PIBF1: variants seen among roughly 807,000 people sequenced by gnomAD.
The protein encoded by PIBF1 is progesterone-induced-blocking factor 1.
A neutral mutation model predicts 112.5 loss-of-function variants in PIBF1; 90 were observed. The observed-to-expected ratio is 0.80, with a 90% CI of 0.67 to 0.95. The LOEUF is 0.95. Ranked by LOEUF, PIBF1 falls within the 40% of genes least tolerant of loss-of-function variation. The probability of loss-of-function intolerance (pLI) is 0.00; values close to 1 mark genes in which losing one functional copy is unlikely to be tolerated. For missense variants in PIBF1, 915 were observed against 852.3 expected (o/e 1.07, Z -0.92); for synonymous variants, 301 against 288.6 (o/e 1.04, Z -0.44).
intron 14 of PIBF1, among the ~76,000 whole-genome samples, chr13:72,942,500 A>G (rs1217392133): frequency 6.6e-6 from 1 of 152,126 alleles, no homozygotes; most frequent in Non-Finnish European, 1.5e-5. Context: ...TACTTAAATG[A>G]CAATTGTACT....
At chr13:72,810,229 A>T (rs1486415580) in intron 5 of PIBF1, among the ~76,000 whole-genome samples, 1 of 152,178 alleles carries the variant, frequency 6.6e-6, no homozygotes, top group African/African-American at 2.4e-5. Flanking sequence ...GGTTGATCAC[A>T]TGCAACTCAG....
chr13:72,962,596 C>CAAA (rs56918554), intron 14 of PIBF1, among the ~76,000 whole-genome samples: 2 of 132,964 alleles, frequency 1.5e-5, no homozygotes, highest in African/African-American at 2.7e-5. Flanking sequence ...GTCCCTGTCT[C>CAAA]AAAAAAAAAA....
intron 7 of PIBF1, 120 bp downstream of exon 7, chr13:72,827,238 ATTTTTTTTTTTTTTT>A (rs35211035): frequency 7.2e-6 from 1 of 138,890 alleles, no homozygotes; most frequent in Non-Finnish European, 1.3e-5. Flanking sequence ...AAAAAGATAA[ATTTTTTTTTTTTTTT>A]TTTTTTTTTT....
In PIBF1 at chr13:72,827,851, A is replaced by G; in HGVS notation, c.1034A>G (p.Gln345Arg). Residue 345 changes from glutamine to arginine, a missense_variant, in exon 8 of 18, where the codon CAA becomes CGA. By Grantham distance (43) the Gln-to-Arg change is conservative (BLOSUM62 1). Coordinates refer to ENST00000326291, the MANE Select transcript of PIBF1 (RefSeq NM_006346.4). Reference protein sequence around the residue: ...AHEEDRLERLQAQLEESKKAR... With the variant: ...AHEEDRLERLRAQLEESKKAR... ...GAAGAGGATCGCCTTGAAAGACTTCAAGCTCAACTGGAAGAAAGCAAAAAG... is the reference window on the plus strand; with the variant it reads ...GAAGAGGATCGCCTTGAAAGACTTCGAGCTCAACTGGAAGAAAGCAAAAAG... 6.3e-7 allele frequency: 1 copy of G among 1,595,134 alleles called. No homozygotes were observed. The highest frequency in any genetic ancestry group is 8.5e-7 in the Non-Finnish European group (1 of 1,170,568).
At chr13:72,973,828 T>A (rs957889882) in intron 16 of PIBF1, 153 bp downstream of exon 16, 3 of 550,172 alleles carry the variant, frequency 5.5e-6, no homozygotes, top group Non-Finnish European at 9.7e-6. Context: ...ATTCAACTTT[T>A]GATATACTTC....
At chr13:73,008,634 GACAA>G (rs1566543867) in intron 17 of PIBF1, among the ~76,000 whole-genome samples, 1 of 151,952 alleles carries the variant, frequency 6.6e-6, no homozygotes, top group Non-Finnish European at 1.5e-5. Context: ...ACTATAAACC[GACAA>G]ACAAAAAAAT....
chr13:72,828,301 C>T (rs1315765435), intron 8 of PIBF1, among the ~76,000 whole-genome samples: 9 of 143,988 alleles, frequency 6.3e-5, no homozygotes, highest in Non-Finnish European at 6.0e-5. Flanking sequence ...TTATACTTTA[C>T]GTTCTGGGGT....
chr13:72,915,241 TTC>T (rs2041045591), intron 12 of PIBF1, among the ~76,000 whole-genome samples: 2 of 152,242 alleles, frequency 1.3e-5, no homozygotes, highest in South Asian at 4.1e-4. Flanking sequence ...GCACATGGAC[TTC>T]TCTCCTATTC....
intron 8 of PIBF1, among the ~76,000 whole-genome samples, chr13:72,831,406 C>G (rs945932427): frequency 2.6e-5 from 4 of 152,128 alleles, no homozygotes; most frequent in Admixed American, 6.5e-5. Flanking sequence ...GCATTTAGTG[C>G]TATAAATTTC....
At chr13:72,964,745 C>T (rs1484514722) in intron 14 of PIBF1, among the ~76,000 whole-genome samples, 1 of 152,050 alleles carries the variant, frequency 6.6e-6, no homozygotes, top group Non-Finnish European at 1.5e-5. Context: ...TATGCATTCT[C>T]AAAATTGCTA....
intron 12 of PIBF1, among the ~76,000 whole-genome samples, chr13:72,909,213 A>G (rs577533390): frequency 2.6e-5 from 4 of 152,274 alleles, no homozygotes; most frequent in Admixed American, 1.3e-4. Context: ...TATCTGTTCA[A>G]TTTTTTATCA....
chr13:72,797,778 C>T, intron 4 of PIBF1, 129 bp from the exon 5 acceptor site: 1 of 638,450 alleles, frequency 1.6e-6, no homozygotes, highest in Non-Finnish European at 2.6e-6. Context: ...GGCTAGGGTC[C>T]ATTAATGACT....
chr13:73,006,652 C>G (rs2044041196), intron 17 of PIBF1, among the ~76,000 whole-genome samples: 1 of 152,036 alleles, frequency 6.6e-6, no homozygotes, highest in South Asian at 2.1e-4. Flanking sequence ...TTCTTAATTT[C>G]TAGCTCTTTT....
At chr13:72,828,583 A>G (rs1056773206) in intron 8 of PIBF1, among the ~76,000 whole-genome samples, 6 of 152,150 alleles carry the variant, frequency 3.9e-5, no homozygotes, top group Non-Finnish European at 8.8e-5. Context: ...AGCTTCATCC[A>G]TGTCCCTGCA....
chr13:72,942,265 T>TAAAA (rs35561447), intron 14 of PIBF1, among the ~76,000 whole-genome samples: 13 of 134,790 alleles, frequency 9.6e-5, no homozygotes, highest in South Asian at 9.6e-4. Context: ...TTCAATGATG[T>TAAAA]AAAAAAAAAA....
intron 10 of PIBF1, chr13:72,881,216 A>G (rs2039617920): frequency 1.3e-5 from 2 of 152,128 alleles, no homozygotes; most frequent in South Asian, 2.1e-4. Context: ...AATGAGCACA[A>G]TGATAGGATC....
intron 2 of PIBF1, among the ~76,000 whole-genome samples, chr13:72,790,624 C>G (rs1308235719): frequency 6.6e-6 from 1 of 151,872 alleles, no homozygotes; most frequent in Non-Finnish European, 1.5e-5. Flanking sequence ...CTAGGGAGAA[C>G]AGAGGGCTAT....
intron 10 of PIBF1, among the ~76,000 whole-genome samples, chr13:72,875,038 G>T (rs1261504413): frequency 6.6e-6 from 1 of 152,150 alleles, no homozygotes; most frequent in African/African-American, 2.4e-5. Context: ...CATTCTGTAT[G>T]TTTGGACAAA....
In PIBF1 at chr13:72,941,387, G is replaced by A. The variant is rs534195721; in HGVS notation, c.1833+10120G>A. Reference sequence around the variant, plus strand: ...GTGCCACATTACTGCCAACAGTAAGGCAGCTAAGAATTGGTCTTTCTTAGC... The same window carrying A: ...GTGCCACATTACTGCCAACAGTAAGACAGCTAAGAATTGGTCTTTCTTAGC... On this transcript the variant is annotated intron_variant, in intron 14 of 17. Transcript: ENST00000326291. 8.4e-4 allele frequency among the ~76,000 whole-genome samples: 128 copies of A among 152,150 alleles called. 1 individual carries two copies. The highest frequency in any genetic ancestry group is 2.8e-3 in the African/African-American group (117 of 41,530).
Sources: gnomAD v4.1 joint callset for allele counts (sites outside exome capture counted in the v4.1 genomes callset) on GRCh38, gnomAD v4.1.1 for gene constraint, MANE v1.5 for transcripts, NCBI Gene and HGNC (gene_info 2026-07-23, HGNC 2026-07-21) for gene names.